Variants in GIGYF2 observed in about 807,000 individuals in gnomAD.
The protein encoded by GIGYF2 is GRB10-interacting GYF protein 2.
Under a neutral mutation model 208.1 loss-of-function variants are expected in GIGYF2, and 25 were observed. That is an observed-to-expected ratio of 0.12 (90% confidence interval 0.09 to 0.17). The LOEUF is 0.17. Among genes scored for constraint, GIGYF2 ranks in the 10% least tolerant of loss-of-function variants. GIGYF2 has a pLI of 1.00. For synonymous variants in GIGYF2, 534 were observed against 543.8 expected, an observed-to-expected ratio of 0.98 and a Z score of 0.25; for missense variants, 1,302 against 1,579.4, an observed-to-expected ratio of 0.82 and a Z score of 2.98.
intron 21 of GIGYF2, among the ~76,000 whole-genome samples, chr2:232,827,265 T>C: frequency 6.6e-6 from 1 of 151,960 alleles, no homozygotes; most frequent in East Asian, 1.9e-4. Flanking sequence ...GTATAAACAT[T>C]TATATGCACC....
In GIGYF2 at chr2:232,791,186, G is replaced by A. The variant is rs1700059718; in HGVS notation, c.1093+16G>A. 10 of 1,613,914 alleles carry A rather than the reference G, an allele frequency of 6.2e-6. No individual in the cohort carries two copies. The highest frequency in any genetic ancestry group is 8.5e-6 in the Non-Finnish European group (10 of 1,179,870). ...GTAGGAGTTGGTAAGGCCTCTTCTT[G>A]CCCTTTGCCTTTTTTTTCCTCCATC... is the stretch of plus-strand genomic sequence containing the variant. On this transcript the variant is annotated intron_variant, in intron 11 of 28. Transcript: ENST00000373563.
rs750378950 is a variant in GIGYF2 at position 232,860,550 on chromosome 2, A to G, written c.*3690A>G. On this transcript the variant is annotated 3_prime_UTR_variant, in exon 29 of 29. Transcript: ENST00000373563. ...TGTATAAAATGCCCAACTGTGCATTATTAATAAAAGTATGTGAATGACTCT... is the reference window on the plus strand; with the variant it reads ...TGTATAAAATGCCCAACTGTGCATTGTTAATAAAAGTATGTGAATGACTCT... The G allele has an allele frequency of 1.3e-5, 2 of 152,126 alleles. No individual in the cohort carries two copies. Among genetic ancestry groups the G allele is most frequent in the Non-Finnish European group, 2.9e-5 (2 of 68,020 alleles). 9.4% of individuals were successfully genotyped at this position (152,126 alleles called of 1,614,324 possible).
intron 21 of GIGYF2, among the ~76,000 whole-genome samples, chr2:232,821,150 A>G (rs1301247645): frequency 6.6e-6 from 1 of 151,976 alleles, no homozygotes; most frequent in South Asian, 2.1e-4. Flanking sequence ...TGAAACACGT[A>G]AATTTTTCAC....
At chr2:232,706,860 C>A (rs1415569247) in intron 2 of GIGYF2, among the ~76,000 whole-genome samples, 1 of 151,464 alleles carries the variant, frequency 6.6e-6, no homozygotes, top group East Asian at 1.9e-4. Flanking sequence ...TTGGGAGGCT[C>A]CCTTAGGCCT....
In GIGYF2 at chr2:232,815,712, A is replaced by G; in HGVS notation, c.2183A>G (p.Gln728Arg). The G allele has an allele frequency of 6.2e-7, 1 of 1,601,426 alleles. No individual in the cohort carries two copies. The highest frequency in any genetic ancestry group is 8.6e-7 in the Non-Finnish European group (1 of 1,168,396). Residue 728 changes from glutamine (Q) to arginine (R), a missense_variant, in exon 19 of 29, where the codon CAG becomes CGG. Physicochemically the swap from Gln to Arg is conservative, Grantham distance 43. Around this residue, in one of 8 missense-constraint regions of GIGYF2, gnomAD observed 701 missense variants for 793.0 expected, o/e 0.88. Transcript: ENST00000373563. ...GGCCCTGCCCTGGAACAGCTTCAGCAGCTAGAGAAGGCCAAAGCTGCAAAG... is the reference window on the plus strand; with the variant it reads ...GGCCCTGCCCTGGAACAGCTTCAGCGGCTAGAGAAGGCCAAAGCTGCAAAG... ...TPGPALEQLQ[Q>R]LEKAKAAKLE...
At chr2:232,854,311 G>A (rs1466459945) in intron 28 of GIGYF2, among the ~76,000 whole-genome samples, 5 of 152,162 alleles carry the variant, frequency 3.3e-5, no homozygotes, top group Non-Finnish European at 4.4e-5. Context: ...TGGGCTACAT[G>A]CCAAAACCTT....
At chr2:232,731,521 C>T (rs1697496092) in intron 2 of GIGYF2, among the ~76,000 whole-genome samples, 3 of 152,202 alleles carry the variant, frequency 2.0e-5, no homozygotes, top group African/African-American at 7.2e-5. Context: ...AAAAACCTTA[C>T]AATTGATGTG....
chr2:232,823,055 T>C (rs1701141790), intron 21 of GIGYF2, among the ~76,000 whole-genome samples: 1 of 152,182 alleles, frequency 6.6e-6, no homozygotes, highest in Non-Finnish European at 1.5e-5. Flanking sequence ...TTTCAATGAA[T>C]AGATACTGAG....
chr2:232,852,055 T>G (rs1285675562), intron 28 of GIGYF2, among the ~76,000 whole-genome samples: 1 of 152,182 alleles, frequency 6.6e-6, no homozygotes, highest in Non-Finnish European at 1.5e-5. Flanking sequence ...TGGCACAGGC[T>G]GAGGGGAATT....
At chr2:232,747,291 T>C (rs1173107916) in intron 3 of GIGYF2, among the ~76,000 whole-genome samples, 1 of 152,142 alleles carries the variant, frequency 6.6e-6, no homozygotes, top group Admixed American at 6.5e-5. Context: ...TAAGGTAGTA[T>C]CTCACTTTTG....
intron 6 of GIGYF2, chr2:232,760,155 C>T (rs146637905): frequency 1.5e-4 from 28 of 191,160 alleles, no homozygotes; most frequent in Non-Finnish European, 2.5e-4. Flanking sequence ...ATTTAATCTA[C>T]GGTAGTGTTT....
chr2:232,734,173 C>A (rs2106294597), intron 2 of GIGYF2, among the ~76,000 whole-genome samples: 1 of 139,802 alleles, frequency 7.2e-6, no homozygotes, highest in East Asian at 2.2e-4. Context: ...CAGTCTTGAA[C>A]TCCTGGGCCC....
rs1700980116 is a variant in GIGYF2 at position 232,818,490 on chromosome 2, T to A, written c.2371-1337T>A. 2.0e-5 allele frequency among the ~76,000 whole-genome samples: 3 copies of A among 152,224 alleles called. No individual in the cohort carries two copies. In the South Asian group the frequency reaches 6.2e-4, roughly 32 times the overall value. On this transcript the variant is annotated intron_variant, in intron 20 of 28. Transcript: ENST00000373563. The stretch of plus-strand genomic sequence containing the variant: ...GAGGGTCTGACTTCATTCTTCTGCC[T>A]ATAGATATCCAGTTTTCCCACCACC...
At chr2:232,795,240 C>T (rs931882375) in intron 13 of GIGYF2, among the ~76,000 whole-genome samples, 1 of 152,132 alleles carries the variant, frequency 6.6e-6, no homozygotes, top group Non-Finnish European at 1.5e-5. Context: ...TGAATACAAG[C>T]AGCTGTGGAT....
chr2:232,786,065 C>T (rs1252448673), intron 8 of GIGYF2, among the ~76,000 whole-genome samples: 1 of 152,190 alleles, frequency 6.6e-6, no homozygotes, highest in East Asian at 1.9e-4. Context: ...TTAGAATGAT[C>T]TTGTCCTTTT....
At position 232,769,672 on chromosome 2, in the gene GIGYF2, A is replaced by G. The variant is rs545429468; in HGVS notation, c.532+8236A>G. Among the ~76,000 whole-genome samples, 5 of 152,244 alleles carry G rather than the reference A, an allele frequency of 3.3e-5. No homozygotes were observed. In the South Asian group the frequency reaches 8.3e-4, roughly 25 times the overall value. On this transcript the variant is annotated intron_variant, in intron 8 of 28. Transcript: ENST00000373563. ...ATCTTCCTTGTGCCCTAAGCTATAT[A>G]TAAGAGTTTCTTAATCAGTTTTGTG...
At chr2:232,752,741 C>T (rs1047553288) in intron 5 of GIGYF2, among the ~76,000 whole-genome samples, 5 of 152,048 alleles carry the variant, frequency 3.3e-5, no homozygotes, top group African/African-American at 7.2e-5. Flanking sequence ...GGGGTTTCAC[C>T]GTGTTAGCCA....
intron 23 of GIGYF2, among the ~76,000 whole-genome samples, chr2:232,842,013 T>A (rs1248516279): frequency 6.6e-6 from 1 of 150,988 alleles, no homozygotes; most frequent in South Asian, 2.1e-4. Context: ...AAAAAAAAAT[T>A]TTTTTTTTTT....
chr2:232,776,161 T>G (rs56054779), intron 8 of GIGYF2, among the ~76,000 whole-genome samples: 25,127 of 152,074 alleles, frequency 0.17, 2,603 homozygotes, highest in Non-Finnish European at 0.22. Flanking sequence ...ACTGAATTTT[T>G]TTTCCTAAGG....
Sources: gnomAD v4.1 joint callset for allele counts (sites outside exome capture counted in the v4.1 genomes callset) on GRCh38, gnomAD v4.1.1 for gene constraint, gnomAD v4.1.1 regional missense constraint, MANE v1.5 for transcripts, NCBI Gene and HGNC (gene_info 2026-07-23, HGNC 2026-07-21) for gene names.